SPAG1: variants seen among roughly 807,000 people sequenced by gnomAD.
The protein encoded by SPAG1 is sperm associated antigen 1, also known as sperm-associated antigen 1.
Under a neutral mutation model 100.5 loss-of-function variants are expected in SPAG1, and 69 were observed. The ratio of observed to expected loss-of-function variants is 0.69; its 90% confidence interval spans 0.57 to 0.84. The LOEUF is 0.84. SPAG1 is among the 40% of genes least tolerant of loss of function. The pLI, the probability that SPAG1 is intolerant of heterozygous loss-of-function variation, is 0.00. For synonymous variants in SPAG1, 336 were observed against 411.6 expected, an observed-to-expected ratio of 0.82 and a Z score of 2.22; for missense variants, 955 against 1,133.1, an observed-to-expected ratio of 0.84 and a Z score of 2.26.
intron 3 of SPAG1, among the ~76,000 whole-genome samples, chr8:100,173,596 A>C (rs1454036859): frequency 6.6e-6 from 1 of 152,162 alleles, no homozygotes; most frequent in Non-Finnish European, 1.5e-5. Context: ...ACAGATAATA[A>C]ATCTCTTACT....
chr8:100,174,525 C>G (rs996499657), intron 3 of SPAG1, among the ~76,000 whole-genome samples: 4 of 152,120 alleles, frequency 2.6e-5, no homozygotes, highest in South Asian at 2.1e-4. Flanking sequence ...TAATTTCTGT[C>G]TGACTTTTGC....
intron 14 of SPAG1, among the ~76,000 whole-genome samples, chr8:100,229,425 A>AAAAAC (rs1206867553): frequency 2.0e-5 from 3 of 152,028 alleles, no homozygotes; most frequent in South Asian, 2.1e-4. Flanking sequence ...CTCCGTCTCA[A>AAAAAC]AAAACAAAAC....
chr8:100,165,936 C>T lies in SPAG1; in HGVS notation c.263C>T (p.Thr88Ile). The T allele has an allele frequency of 2.5e-6, 4 of 1,614,060 alleles. No homozygotes were observed. The highest frequency in any genetic ancestry group is 3.4e-6 in the Non-Finnish European group (4 of 1,179,970). The change falls in exon 3 of 19, where the codon ACA (threonine) becomes ATA (isoleucine). Residue 88 changes from threonine (T) to isoleucine (I), a missense_variant. By Grantham distance (89) the Thr-to-Ile change is moderately conservative. Transcript: ENST00000388798. ...CCAGCAGCAACAGCAGCCAGTTTTA[C>T]AGCTGAAGAATGGGAAAAAATTGAT... The part of the protein sequence containing the change: ...DKPAATAASF[T>I]AEEWEKIDGD...
intron 10 of SPAG1, among the ~76,000 whole-genome samples, chr8:100,203,023 G>A (rs1285658580): frequency 1.3e-5 from 2 of 152,160 alleles, no homozygotes; most frequent in African/African-American, 2.4e-5. Flanking sequence ...TTGGATTGAA[G>A]GATACAAAGT....
Position 100,240,578 on chromosome 8 carries a change from G to A in SPAG1, c.2456G>A (p.Arg819Lys), listed in dbSNP as rs1340830793. Residue 819 changes from arginine to lysine, a missense_variant, in exon 18 of 19, where the codon AGG becomes AAG. Coordinates refer to ENST00000388798, the MANE Select transcript of SPAG1 (RefSeq NM_003114.5). ...FGQIINALST[R>K]KDKEACAHLL... is the part of the protein sequence containing the mutation. ...CAGATTATAAATGCTCTCAGTACCAGGAAGGATAAAGAAGCCTGTGCACAT... is the reference window on the plus strand; with the variant it reads ...CAGATTATAAATGCTCTCAGTACCAAGAAGGATAAAGAAGCCTGTGCACAT... 1 of 1,614,050 alleles carries A rather than the reference G, an allele frequency of 6.2e-7. No homozygotes were observed. The highest frequency in any genetic ancestry group is 8.5e-7 in the Non-Finnish European group (1 of 1,179,986).
intron 15 of SPAG1, 99 bp downstream of exon 15, chr8:100,231,387 G>GT: frequency 1.2e-6 from 1 of 821,900 alleles, no homozygotes; most frequent in East Asian, 2.9e-5. Flanking sequence ...AATTGCCAAA[G>GT]TTTTTTGTGA....
intron 3 of SPAG1, among the ~76,000 whole-genome samples, chr8:100,173,186 T>G (rs1054035639): frequency 4.0e-5 from 6 of 151,772 alleles, no homozygotes; most frequent in African/African-American, 1.4e-4. Flanking sequence ...TTACAGGCAT[T>G]CACCACCACA....
At position 100,183,962 on chromosome 8, in the gene SPAG1, C is replaced by T. The variant is rs768687626; in HGVS notation, c.495C>T (p.Asp165=). ...PRDYAEWDKF[D]VEKECLKIDE... is the part of the protein sequence containing the mutation. ...TATTGTTCTTTCATTTAAGATTTGA[C>T]GTGGAGAAGGAATGTTTAAAAATTG... Residue 165 remains aspartate (D), a synonymous_variant, in exon 6 of 19, where the codon GAC becomes GAT. Coordinates refer to ENST00000388798, the MANE Select transcript of SPAG1 (RefSeq NM_003114.5). The T allele has an allele frequency of 1.9e-5, 29 of 1,487,540 alleles. No individual in the cohort carries two copies. In the African/African-American group the frequency reaches 2.0e-4, roughly 10 times the overall value. The allele number at this position is 1,487,540 out of a possible 1,614,324, so 92.1% of individuals were successfully genotyped here.
chr8:100,213,393 A>G lies in SPAG1; in HGVS notation c.1400A>G (p.Lys467Arg). Residue 467 changes from lysine to arginine, a missense_variant, in exon 11 of 19, where the codon AAG becomes AGG. Transcript: ENST00000388798. The part of the protein sequence containing the change: ...RSGQFAEAAG[K>R]YSAAIALLEP... ...GGGCAGTTCGCCGAGGCGGCCGGCA[A>G]GTACTCGGCGGCAATCGCGCTCCTG... The G allele has an allele frequency of 6.9e-7, 1 of 1,447,264 alleles. No homozygotes were observed. The highest frequency in any genetic ancestry group is 3.0e-5 in the East Asian group (1 of 33,374). The allele number at this position is 1,447,264 out of a possible 1,614,324, so 89.7% of individuals were successfully genotyped here. A position where few individuals can be genotyped will look rare whatever the true frequency, so the allele number is the denominator to read the frequency against.
chr8:100,225,352 T>A lies in SPAG1; in HGVS notation c.1855+13T>A. The A allele has an allele frequency of 6.2e-7, 1 of 1,610,392 alleles. No individual in the cohort carries two copies. Among genetic ancestry groups the A allele is most frequent in the African/African-American group, 1.3e-5 (1 of 74,986 alleles). Reference sequence around the variant, plus strand: ...CAGGGCATCACAGGTGGGGGATGCCTGCACTCATTTCTTCTCAAGGTTACC... The same window carrying A: ...CAGGGCATCACAGGTGGGGGATGCCAGCACTCATTTCTTCTCAAGGTTACC... On this transcript the variant is annotated intron_variant, in intron 14 of 18. Coordinates refer to ENST00000388798, the MANE Select transcript of SPAG1 (RefSeq NM_003114.5).
chr8:100,177,905 A>G lies in SPAG1; in HGVS notation c.390A>G (p.Pro130=). 6.2e-7 allele frequency: 1 copy of G among 1,612,430 alleles called. No individual in the cohort carries two copies. The highest frequency in any genetic ancestry group is 8.5e-7 in the Non-Finnish European group (1 of 1,178,524). ...CAGCAATGAAAGATAATTTGCCTCC[A>G]GTTCGTGGTTCAAACAGCTGTCTTC... is the stretch of plus-strand genomic sequence containing the variant. ...TFPAMKDNLP[P]VRGSNSCLHV... The change falls in exon 4 of 19, where the codon CCA becomes CCG. Residue 130 remains proline, a synonymous_variant. Transcript: ENST00000388798.
In SPAG1 at chr8:100,220,324, G is replaced by A. The variant is rs1368320562; in HGVS notation, c.1581G>A (p.Arg527=). ...TCTCTATGAAACCTCTTCTGAGGCG[G>A]GCGATGGCCTATGAAACTCTAGAGC... ...HPFSMKPLLR[R]AMAYETLEQY... Residue 527 remains arginine (R), a synonymous_variant, in exon 13 of 19, where the codon CGG becomes CGA. Transcript: ENST00000388798. The A allele has an allele frequency of 6.2e-7, 1 of 1,614,064 alleles. No individual in the cohort carries two copies. Among genetic ancestry groups the A allele is most frequent in the East Asian group, 2.2e-5 (1 of 44,886 alleles).
chr8:100,215,737 A>G (rs971004425), intron 12 of SPAG1, among the ~76,000 whole-genome samples: 6 of 152,006 alleles, frequency 3.9e-5, no homozygotes, highest in Non-Finnish European at 7.4e-5. Context: ...TGTTAGCCAG[A>G]ATGGCCTTGA....
At chr8:100,227,725 A>C (rs1265529714) in intron 14 of SPAG1, among the ~76,000 whole-genome samples, 1 of 152,206 alleles carries the variant, frequency 6.6e-6, no homozygotes, top group Non-Finnish European at 1.5e-5. Flanking sequence ...CAAAGGTTTA[A>C]AGACACTGGA....
chr8:100,191,363 A>C, intron 8 of SPAG1, 27 bp from the exon 9 acceptor site: 1 of 1,509,864 alleles, frequency 6.6e-7, no homozygotes, highest in African/African-American at 1.4e-5. Context: ...ATTAAAAAAC[A>C]TAACTTTTAT....
chr8:100,215,996 T>C (rs1197908237), intron 12 of SPAG1, among the ~76,000 whole-genome samples: 3 of 152,236 alleles, frequency 2.0e-5, no homozygotes, highest in Non-Finnish European at 4.4e-5. Flanking sequence ...TGGCTCACAC[T>C]CGCTAATCAT....
At chr8:100,160,052 A>C (rs1402366463) in intron 1 of SPAG1, among the ~76,000 whole-genome samples, 3 of 152,250 alleles carry the variant, frequency 2.0e-5, no homozygotes. Flanking sequence ...GGATTAAATG[A>C]AGTAATATAT....
rs772098225 is a variant in SPAG1 at position 100,213,186 on chromosome 8, G to A, written c.1193G>A (p.Arg398Gln). The A allele has an allele frequency of 2.4e-5, 36 of 1,469,446 alleles. No individual in the cohort carries two copies. In the East Asian group the frequency reaches 8.8e-4, roughly 36 times the overall value. The allele number at this position is 1,469,446 out of a possible 1,614,324, so 91.0% of individuals were successfully genotyped here. Residue 398 changes from arginine (R) to glutamine (Q), a missense_variant, in exon 11 of 19, where the codon CGG becomes CAG. Physicochemically the swap from Arg to Gln is conservative, Grantham distance 43. Coordinates refer to ENST00000388798, the MANE Select transcript of SPAG1 (RefSeq NM_003114.5). ...KLTGKAEGGK[R>Q]PARGAPQRGQ... Reference sequence around the variant, plus strand: ...ACTGGCAAAGCCGAAGGCGGCAAGCGGCCGGCAAGGGGCGCGCCGCAGCGG... The same window carrying A: ...ACTGGCAAAGCCGAAGGCGGCAAGCAGCCGGCAAGGGGCGCGCCGCAGCGG...
chr8:100,209,312 A>G (rs997070533), intron 10 of SPAG1, among the ~76,000 whole-genome samples: 5 of 148,528 alleles, frequency 3.4e-5, no homozygotes, highest in African/African-American at 1.2e-4. Context: ...ACATATATAT[A>G]TATATATTCC....
Sources: allele counts gnomAD v4.1 joint callset (sites outside exome capture counted in the v4.1 genomes callset), GRCh38; gene constraint gnomAD v4.1.1; transcripts MANE v1.5; gene names NCBI Gene and HGNC (gene_info 2026-07-23, HGNC 2026-07-21).